The following DNER variants were observed in gnomAD, a reference collection of about 807,000 sequenced individuals.
DNER encodes the protein delta/notch like EGF repeat containing.
Under a neutral mutation model 78.2 loss-of-function variants are expected in DNER, and 33 were observed. That is an observed-to-expected ratio of 0.42 (90% CI 0.32 to 0.56). DNER has a LOEUF of 0.56. Ranked by LOEUF, DNER falls within the 20% of genes least tolerant of loss-of-function variation. The pLI, the probability that DNER is intolerant of heterozygous loss-of-function variation, is 0.11. For synonymous variants in DNER, 417 were observed against 384.8 expected (o/e 1.08, Z -0.98); for missense variants, 918 against 975.3 (o/e 0.94, Z 0.78).
rs548943776 is a variant in DNER at position 229,644,498 on chromosome 2, C to A, written c.277-52610G>T. On this transcript the variant is annotated intron_variant, in intron 1 of 12. Coordinates refer to ENST00000341772, the MANE Select transcript of DNER (RefSeq NM_139072.4). ...TCCCAGCTACGCGGAAGGCACCTAC[C>A]ACCACGCCAAGCTAATTTTCATATT... 6.7e-4 allele frequency among the ~76,000 whole-genome samples: 102 copies of A among 152,148 alleles called. 3 individuals carry two copies. The South Asian group carries it at 0.021, about 31-fold the overall frequency.
At chr2:229,418,351 T>C in intron 8 of DNER, 121 bp from the exon 9 acceptor site, 1 of 1,340,744 alleles carries the variant, frequency 7.5e-7, no homozygotes, top group East Asian at 2.4e-5. Flanking sequence ...ACAGATGGGA[T>C]TTCAGGAGCT....
chr2:229,659,455 A>G (rs1426221196), intron 1 of DNER, among the ~76,000 whole-genome samples: 4 of 152,166 alleles, frequency 2.6e-5, no homozygotes, highest in African/African-American at 7.2e-5. Flanking sequence ...TGATATAAAT[A>G]TTTTTGGTCT....
At chr2:229,651,889 A>T (rs1172512270) in intron 1 of DNER, among the ~76,000 whole-genome samples, 1 of 152,228 alleles carries the variant, frequency 6.6e-6, no homozygotes, top group Non-Finnish European at 1.5e-5. Flanking sequence ...TTTAAGATTC[A>T]GTAGCATAGC....
Position 229,419,807 on chromosome 2 carries a change from T to G in DNER, c.1487-1577A>C, listed in dbSNP as rs181657367. 3.1e-3 allele frequency among the ~76,000 whole-genome samples: 475 copies of G among 151,636 alleles called. 1 individual carries two copies. The highest frequency in any genetic ancestry group is 5.2e-3 in the Non-Finnish European group (352 of 67,940). On this transcript the variant is annotated intron_variant, in intron 8 of 12. Transcript: ENST00000341772. Reference sequence around the variant, plus strand: ...CCTTCATTAGATTATTTTCATCATGTAGATAAGAGGTACTCAACTAGCAGC... The same window carrying G: ...CCTTCATTAGATTATTTTCATCATGGAGATAAGAGGTACTCAACTAGCAGC...
intron 5 of DNER, among the ~76,000 whole-genome samples, chr2:229,539,212 A>G (rs2154213015): frequency 6.6e-6 from 1 of 152,098 alleles, no homozygotes; most frequent in East Asian, 1.9e-4. Context: ...TCTCATGAGG[A>G]CCTTTGTGTT....
intron 1 of DNER, among the ~76,000 whole-genome samples, chr2:229,610,717 A>T (rs2154215165): frequency 6.6e-6 from 1 of 152,322 alleles, no homozygotes; most frequent in Middle Eastern, 3.4e-3. Context: ...ATCAGTCACC[A>T]GGACTGGGTT....
chr2:229,469,648 A>G (rs1474061516), intron 7 of DNER, among the ~76,000 whole-genome samples: 1 of 152,232 alleles, frequency 6.6e-6, no homozygotes. Flanking sequence ...CTGAATAATA[A>G]TGTCAAAGTG....
chr2:229,634,216 T>C (rs953834766), intron 1 of DNER, among the ~76,000 whole-genome samples: 1 of 152,164 alleles, frequency 6.6e-6, no homozygotes, highest in East Asian at 1.9e-4. Flanking sequence ...AGCAAAAAAA[T>C]TATAATAGCT....
chr2:229,375,350 T>C (rs1232216574), intron 11 of DNER, among the ~76,000 whole-genome samples: 2 of 152,210 alleles, frequency 1.3e-5, no homozygotes, highest in Admixed American at 6.5e-5. Context: ...CCTTGTTTTC[T>C]GGCCCAGGGA....
intron 1 of DNER, among the ~76,000 whole-genome samples, chr2:229,698,527 G>A (rs539399714): frequency 1.3e-5 from 2 of 152,294 alleles, no homozygotes; most frequent in Non-Finnish European, 2.9e-5. Context: ...AGGGAAGCAA[G>A]AAAAACCTTG....
In DNER at chr2:229,615,669, G is replaced by A. The variant is rs572324976; in HGVS notation, c.277-23781C>T. Among the ~76,000 whole-genome samples, 28 of 152,160 alleles carry A rather than the reference G, an allele frequency of 1.8e-4. 2 individuals are homozygous for A. The highest frequency in any genetic ancestry group is 3.4e-3 in the Middle Eastern group (1 of 294). On this transcript the variant is annotated intron_variant, in intron 1 of 12. Transcript: ENST00000341772. Reference sequence around the variant, plus strand: ...AGAGCTTGCAGTGAGCAGAGACCGTGCCACTGCACTCTAGCCTGGGCAACA... The same window carrying A: ...AGAGCTTGCAGTGAGCAGAGACCGTACCACTGCACTCTAGCCTGGGCAACA...
intron 5 of DNER, among the ~76,000 whole-genome samples, chr2:229,537,965 G>A (rs1559160416): frequency 1.3e-5 from 2 of 152,014 alleles, no homozygotes; most frequent in South Asian, 4.2e-4. Flanking sequence ...GTTCTGTAAC[G>A]TAAAATGCAG....
chr2:229,395,999 G>T (rs993501052), intron 10 of DNER, among the ~76,000 whole-genome samples: 5 of 152,136 alleles, frequency 3.3e-5, no homozygotes, highest in African/African-American at 1.2e-4. Context: ...GATAACAATG[G>T]CAGCCTAAGT....
At chr2:229,666,412 A>C (rs1171822013) in intron 1 of DNER, among the ~76,000 whole-genome samples, 9 of 152,210 alleles carry the variant, frequency 5.9e-5, no homozygotes, top group Admixed American at 5.9e-4. Context: ...CGAAAGGCAA[A>C]ATAATAAAGG....
At chr2:229,465,362 T>C (rs1172740453) in intron 7 of DNER, among the ~76,000 whole-genome samples, 2 of 152,098 alleles carry the variant, frequency 1.3e-5, no homozygotes, top group African/African-American at 2.4e-5. Context: ...TTCTCACTTA[T>C]AAGTGGGAGC....
At chr2:229,604,731 C>G (rs1697900941) in intron 1 of DNER, among the ~76,000 whole-genome samples, 3 of 152,204 alleles carry the variant, frequency 2.0e-5, no homozygotes, top group Admixed American at 6.5e-5. Flanking sequence ...TAATACCCAT[C>G]TGCTCCCGGG....
chr2:229,565,312 C>G (rs1697084131), intron 4 of DNER, among the ~76,000 whole-genome samples: 2 of 152,160 alleles, frequency 1.3e-5, no homozygotes, highest in East Asian at 1.9e-4. Flanking sequence ...GATTGCTACT[C>G]TTTAAAAATT....
At chr2:229,451,127 C>A (rs1253463579) in intron 7 of DNER, among the ~76,000 whole-genome samples, 62 of 152,310 alleles carry the variant, frequency 4.1e-4, no homozygotes, top group Non-Finnish European at 7.3e-5. Context: ...GGTTCCCAGT[C>A]CAAGGCTGGA....
At chr2:229,412,186 C>T (rs917251637) in intron 9 of DNER, among the ~76,000 whole-genome samples, 1 of 152,284 alleles carries the variant, frequency 6.6e-6, no homozygotes, top group East Asian at 1.9e-4. Context: ...ACAAACCAGG[C>T]TTGAACTAGT....
Sources: gnomAD v4.1 joint callset for allele counts (sites outside exome capture counted in the v4.1 genomes callset) on GRCh38, gnomAD v4.1.1 for gene constraint, MANE v1.5 for transcripts, NCBI Gene and HGNC (gene_info 2026-07-23, HGNC 2026-07-21) for gene names.